The following CLNK variants were observed in gnomAD, a reference collection of about 807,000 sequenced individuals.
CLNK encodes cytokine dependent hematopoietic cell linker, also known as cytokine-dependent hematopoietic cell linker.
In CLNK, 74 loss-of-function variants were observed where a neutral mutation model predicts 68.6. That is an observed-to-expected ratio of 1.08 (90% CI 0.89 to 1.31). The LOEUF (loss-of-function observed/expected upper bound fraction) is 1.31. CLNK is among the 50% of genes most tolerant of loss of function. The pLI, the probability that CLNK is intolerant of heterozygous loss-of-function variation, is 0.00. For missense variants in CLNK, 553 were observed against 515.3 expected (o/e 1.07, Z -0.71); for synonymous variants, 198 against 172.2 (o/e 1.15, Z -1.17).
At chr4:10,734,054 C>T in the CLNK span, among the ~76,000 whole-genome samples, 1 of 152,170 alleles carries the variant, frequency 6.6e-6, no homozygotes, top group Non-Finnish European at 1.5e-5. Flanking sequence ...AACCACTACT[C>T]AATAAGCATC....
chr4:10,689,727 A>G (rs1368465975), upstream of CLNK, among the ~76,000 whole-genome samples: 2 of 135,344 alleles, frequency 1.5e-5, no homozygotes, highest in African/African-American at 5.3e-5. Context: ...ATCTCCTGCA[A>G]TGGATCAAAA....
At chr4:10,583,324 G>C (rs1404132240) in intron 4 of CLNK, among the ~76,000 whole-genome samples, 1 of 151,722 alleles carries the variant, frequency 6.6e-6, no homozygotes, top group Admixed American at 6.6e-5. Context: ...GTCGTCCACA[G>C]CGCCCAGGCT....
rs929530826 is a variant in CLNK at position 10,487,122 on chromosome 4, A to G, written c.*3345T>C. On this transcript the variant is annotated 3_prime_UTR_variant, in exon 19 of 19. Coordinates refer to ENST00000226951, the MANE Select transcript of CLNK (RefSeq NM_052964.4). ...AATTCTATTACTCTATTGAAATCAGATATCAAGTGATACTTTTAAACTAAA... is the reference window on the plus strand; with the variant it reads ...AATTCTATTACTCTATTGAAATCAGGTATCAAGTGATACTTTTAAACTAAA... 6.6e-6 allele frequency: 1 copy of G among 152,244 alleles called. No homozygotes were observed. Among genetic ancestry groups the G allele is most frequent in the Non-Finnish European group, 1.5e-5 (1 of 68,042 alleles). The allele number at this position is 152,244 out of a possible 1,614,324, so 9.4% of individuals were successfully genotyped here. A position where few individuals can be genotyped will look rare whatever the true frequency, so the allele number is the denominator to read the frequency against.
the CLNK span, among the ~76,000 whole-genome samples, chr4:10,723,882 C>CAGAGAGAGAGAG: frequency 8.3e-3 from 588 of 70,916 alleles, 23 homozygotes; most frequent in African/African-American, 0.021. Flanking sequence ...ACACAGGAGT[C>CAGAGAGAGAGAG]AGAGAGAGAG....
intron 1 of CLNK, among the ~76,000 whole-genome samples, chr4:10,676,389 A>G (rs1724873668): frequency 2.7e-5 from 2 of 74,816 alleles, no homozygotes; most frequent in Admixed American, 3.7e-4. Context: ...GTTATTATAG[A>G]TTTCTTTTTT....
intron 12 of CLNK, among the ~76,000 whole-genome samples, chr4:10,529,164 G>T (rs1000754030): frequency 5.3e-5 from 8 of 152,224 alleles, no homozygotes; most frequent in Non-Finnish European, 7.3e-5. Flanking sequence ...GGGGATGAAA[G>T]AGATCATTGA....
At chr4:10,623,068 A>G (rs1166607943) in intron 2 of CLNK, among the ~76,000 whole-genome samples, 3 of 152,338 alleles carry the variant, frequency 2.0e-5, no homozygotes, top group East Asian at 3.9e-4. Flanking sequence ...TGGGGGAAAC[A>G]CTAATATTCA....
chr4:10,721,109 A>G, the CLNK span, among the ~76,000 whole-genome samples: 2 of 150,442 alleles, frequency 1.3e-5, no homozygotes, highest in Non-Finnish European at 3.0e-5. Flanking sequence ...TATTTTGGAA[A>G]TGAGAAAATT....
chr4:10,669,841 C>A (rs1724558531), intron 1 of CLNK, among the ~76,000 whole-genome samples: 1 of 152,136 alleles, frequency 6.6e-6, no homozygotes, highest in Admixed American at 6.5e-5. Context: ...TCACTGATGG[C>A]CCACTGTGGC....
chr4:10,569,262 A>G (rs140953738), intron 5 of CLNK, among the ~76,000 whole-genome samples: 9 of 142,752 alleles, frequency 6.3e-5, no homozygotes, highest in African/African-American at 2.4e-4. Context: ...GACCATTGGT[A>G]CTGCACAACA....
At position 10,540,601 on chromosome 4, in the gene CLNK, A is replaced by C. The variant is rs369302997; in HGVS notation, c.495T>G (p.Pro165=). The C allele has an allele frequency of 1.1e-5, 18 of 1,612,262 alleles. No homozygotes were observed. The highest frequency in any genetic ancestry group is 1.4e-5 in the Non-Finnish European group (16 of 1,178,526). Residue 165 remains proline (P), a synonymous_variant, in exon 11 of 19, where the codon CCT becomes CCG. Transcript: ENST00000226951. ...GGTACTTCTTCGGAAGTGTTATGAGAGGCCTGTGTGGAGAGTCGCAGTAGG... is the reference window on the plus strand; with the variant it reads ...GGTACTTCTTCGGAAGTGTTATGAGCGGCCTGTGTGGAGAGTCGCAGTAGG... ...KNKIPLPPPR[P]LITLPKKYQP...
chr4:10,682,248 G>T (rs13126545), intron 1 of CLNK, among the ~76,000 whole-genome samples: 123,693 of 152,022 alleles, frequency 0.81, 50,713 homozygotes, highest in Non-Finnish European at 0.86. Flanking sequence ...ATCATAAATA[G>T]AATTTAAATT....
At chr4:10,683,058 G>A (rs1320031132) in intron 1 of CLNK, among the ~76,000 whole-genome samples, 6 of 152,024 alleles carry the variant, frequency 3.9e-5, no homozygotes, top group Admixed American at 3.3e-4. Context: ...CATATTTCAC[G>A]TAATATAAAT....
chr4:10,693,751 G>T, the CLNK span, among the ~76,000 whole-genome samples: 1 of 152,176 alleles, frequency 6.6e-6, no homozygotes, highest in Admixed American at 6.5e-5. Flanking sequence ...CAACATTTAT[G>T]CCTGAAGAGT....
intron 16 of CLNK, among the ~76,000 whole-genome samples, chr4:10,510,383 A>G (rs542401289): frequency 6.6e-6 from 1 of 152,320 alleles, no homozygotes; most frequent in South Asian, 2.1e-4. Context: ...GCTGACAGCC[A>G]TTAGCAGGTG....
chr4:10,507,985 C>A lies in CLNK; in HGVS notation c.958G>T (p.Glu320Ter), dbSNP rs781050849. 32 of 1,610,288 alleles carry A rather than the reference C, an allele frequency of 2.0e-5. 2 individuals are homozygous for A. Among genetic ancestry groups the A allele is most frequent in the Middle Eastern group, 3.3e-4 (2 of 6,052 alleles). The change falls in exon 17 of 19, where the codon GAA (glutamate) becomes TAA (stop). Residue 320 changes from glutamate to a stop codon, truncating the protein, a stop_gained. Coordinates refer to ENST00000226951, the MANE Select transcript of CLNK (RefSeq NM_052964.4). LOFTEE classifies it high-confidence loss of function. ...YIGEYSRQAV[E>*]EAFMKENKDG... is the part of the protein sequence containing the mutation. ...TTGTTCTCCTTCATGAATGCCTCTT[C>A]CACTGCCTGGCGGCTGTATTCTCCA...
At chr4:10,577,148 C>T (rs947707617) in intron 4 of CLNK, among the ~76,000 whole-genome samples, 3 of 152,184 alleles carry the variant, frequency 2.0e-5, no homozygotes, top group Non-Finnish European at 4.4e-5. Flanking sequence ...CCTAGGAAAG[C>T]AAGTCAGTTA....
chr4:10,652,779 A>G (rs1403373922), intron 2 of CLNK, among the ~76,000 whole-genome samples: 1 of 152,212 alleles, frequency 6.6e-6, no homozygotes, highest in Admixed American at 6.5e-5. Flanking sequence ...TCTTGTTGAT[A>G]TTTCTATAAC....
intron 2 of CLNK, among the ~76,000 whole-genome samples, chr4:10,607,274 C>A (rs993297768): frequency 6.6e-6 from 1 of 152,292 alleles, no homozygotes; most frequent in African/African-American, 2.4e-5. Flanking sequence ...AGTAGGTTGC[C>A]GTTGCCCCAC....
Sources: allele counts gnomAD v4.1 joint callset (sites outside exome capture counted in the v4.1 genomes callset), GRCh38; gene constraint gnomAD v4.1.1; transcripts MANE v1.5; gene names NCBI Gene and HGNC (gene_info 2026-07-23, HGNC 2026-07-21).